The following DLGAP2 variants were observed in gnomAD, a reference collection of about 807,000 sequenced individuals.
DLGAP2 encodes disks large-associated protein 2.
A neutral mutation model predicts 100.3 loss-of-function variants in DLGAP2; 26 were observed. The observed-to-expected ratio is 0.26, with a 90% CI of 0.19 to 0.36. The LOEUF is 0.36. Ranked by LOEUF, DLGAP2 falls within the 10% of genes least tolerant of loss-of-function variation. The pLI is 1.00. For missense variants in DLGAP2, 1,858 were observed against 1,453.2 expected (o/e 1.28, Z -4.53); for synonymous variants, 886 against 630.1 (o/e 1.41, Z -6.08).
In DLGAP2 at chr8:1,548,766, G is replaced by A; in HGVS notation, c.313G>A (p.Glu105Lys). 1 of 1,598,862 alleles carries A rather than the reference G, an allele frequency of 6.3e-7. No individual in the cohort carries two copies. Among genetic ancestry groups the A allele is most frequent in the East Asian group, 2.3e-5 (1 of 44,318 alleles). ...GCACACGTGTGGTCTGGCGCCCCCG[G>A]AGGACTGCGAGCACCTGCACCACGG... The part of the protein sequence containing the change: ...SGHTCGLAPP[E>K]DCEHLHHGPD... Residue 105 changes from glutamate (E) to lysine (K), a missense_variant, in exon 5 of 15, where the codon GAG becomes AAG. Physicochemically the swap from Glu to Lys is moderately conservative, Grantham distance 56. Transcript: ENST00000637795.
At chr8:1,246,239 C>G (rs574994921) in intron 2 of DLGAP2, among the ~76,000 whole-genome samples, 1 of 152,294 alleles carries the variant, frequency 6.6e-6, no homozygotes, top group Non-Finnish European at 1.5e-5. Flanking sequence ...GGTGAGAACG[C>G]AACCACAAAA....
chr8:1,493,709 G>A (rs756660515), intron 3 of DLGAP2, among the ~76,000 whole-genome samples: 4 of 152,228 alleles, frequency 2.6e-5, no homozygotes, highest in Non-Finnish European at 5.9e-5. Context: ...AGAAATGGAA[G>A]GGAAGCAAGC....
intron 1 of DLGAP2, among the ~76,000 whole-genome samples, chr8:744,129 C>G (rs550682897): frequency 1.3e-5 from 2 of 152,284 alleles, no homozygotes; most frequent in East Asian, 1.9e-4. Flanking sequence ...TCTCTCAGAC[C>G]CAGCGCCGCT....
intron 1 of DLGAP2, among the ~76,000 whole-genome samples, chr8:752,482 G>A (rs918500389): frequency 2.0e-5 from 3 of 152,182 alleles, no homozygotes; most frequent in Non-Finnish European, 1.5e-5. Flanking sequence ...CCAGGCAGAG[G>A]CCTGATGGCA....
At chr8:1,573,956 T>C (rs1282475261) in intron 6 of DLGAP2, among the ~76,000 whole-genome samples, 2 of 152,102 alleles carry the variant, frequency 1.3e-5, no homozygotes, top group African/African-American at 4.8e-5. Context: ...AAGTGTAAAG[T>C]GAGGTGCTCT....
At chr8:1,098,300 A>G (rs115105548) in intron 2 of DLGAP2, among the ~76,000 whole-genome samples, 4,279 of 152,304 alleles carry the variant, frequency 0.028, 206 homozygotes, top group African/African-American at 0.097. Context: ...TGGATGCAAA[A>G]TGGCAAATGA....
intron 1 of DLGAP2, among the ~76,000 whole-genome samples, chr8:790,176 G>GA (rs1821990142): frequency 1.3e-5 from 2 of 152,176 alleles, no homozygotes; most frequent in South Asian, 4.1e-4. Flanking sequence ...GGGATTTGGA[G>GA]AATGAGGAGG....
intron 3 of DLGAP2, among the ~76,000 whole-genome samples, chr8:1,436,160 C>G (rs1233123396): frequency 3.3e-5 from 5 of 152,202 alleles, no homozygotes; most frequent in Admixed American, 6.5e-5. Context: ...CACAAGCCGT[C>G]TGCAAGCTGA....
chr8:779,160 G>T (rs1431764306), intron 1 of DLGAP2, among the ~76,000 whole-genome samples: 1 of 152,244 alleles, frequency 6.6e-6, no homozygotes, highest in Non-Finnish European at 1.5e-5. Context: ...CTGACGCCTT[G>T]CGCTTCCCGA....
At chr8:741,245 T>C (rs983030784) in intron 1 of DLGAP2, among the ~76,000 whole-genome samples, 4 of 152,234 alleles carry the variant, frequency 2.6e-5, no homozygotes, top group African/African-American at 9.6e-5. Context: ...CATGGGGTCG[T>C]AGGGTGTGCA....
At chr8:1,546,231 C>T (rs1458697697) in intron 4 of DLGAP2, among the ~76,000 whole-genome samples, 1 of 152,248 alleles carries the variant, frequency 6.6e-6, no homozygotes, top group African/African-American at 2.4e-5. Context: ...CACAGTGAGG[C>T]TCACCTTGAA....
At chr8:1,682,093 C>CATCCTTTCACCT (rs2130860983) in intron 12 of DLGAP2, among the ~76,000 whole-genome samples, 1 of 152,324 alleles carries the variant, frequency 6.6e-6, no homozygotes, top group Non-Finnish European at 1.5e-5. Flanking sequence ...ATGTGCATCC[C>CATCCTTTCACCT]ATCCTTTCAC....
rs779157177 is a variant in DLGAP2, at chr8:1,701,411, G to T, written c.*5G>T. Reference sequence around the variant, plus strand: ...GAGGCCCAGACCCGGCTCTGAGGGCGGAGGCCGGCGCCTTCCCCTCGTCGC... The same window carrying T: ...GAGGCCCAGACCCGGCTCTGAGGGCTGAGGCCGGCGCCTTCCCCTCGTCGC... On this transcript the variant is annotated 3_prime_UTR_variant, in exon 15 of 15. Transcript: ENST00000637795. 9.5e-6 allele frequency: 15 copies of T among 1,577,966 alleles called. No individual in the cohort carries two copies. Among genetic ancestry groups the T allele is most frequent in the Admixed American group, 1.8e-5 (1 of 55,374 alleles).
At position 1,387,979 on chromosome 8, in the gene DLGAP2, G is replaced by A. The variant is rs183860694; in HGVS notation, c.107-113387G>A. ...ATCAAGGCGTGGAGGTCCCCAGCGC[G>A]TGAGCAAACACGGTGGGCGCAGAGC... On this transcript the variant is annotated intron_variant, in intron 3 of 14. Coordinates refer to ENST00000637795, the MANE Select transcript of DLGAP2 (RefSeq NM_001346810.2). Among the ~76,000 whole-genome samples the A allele has an allele frequency of 1.5e-3, 231 of 152,366 alleles. 3 individuals carry two copies. Among genetic ancestry groups the A allele is most frequent in the South Asian group, 0.012 (59 of 4,826 alleles).
At chr8:1,146,573 GTGTA>G (rs76397679) in intron 2 of DLGAP2, among the ~76,000 whole-genome samples, 15,563 of 152,008 alleles carry the variant, frequency 0.1, 923 homozygotes, top group East Asian at 0.25. Context: ...GCACATGTGT[GTGTA>G]TGCACATGTG....
At chr8:1,146,632 T>C (rs531732903) in intron 2 of DLGAP2, among the ~76,000 whole-genome samples, 1 of 152,100 alleles carries the variant, frequency 6.6e-6, no homozygotes, top group Admixed American at 6.5e-5. Flanking sequence ...TGCATGCATG[T>C]GTGTGCATGT....
In DLGAP2 at chr8:1,703,872, G is replaced by A. The variant is rs568540056; in HGVS notation, c.*2466G>A. 1 of 152,710 alleles carries A rather than the reference G, an allele frequency of 6.5e-6. No homozygotes were observed. Among genetic ancestry groups the A allele is most frequent in the African/African-American group, 2.4e-5 (1 of 41,560 alleles). 9.5% of individuals were successfully genotyped at this position (152,710 alleles called of 1,614,324 possible). On this transcript the variant is annotated 3_prime_UTR_variant, in exon 15 of 15. Transcript: ENST00000637795. ...CCTACCACTACATTGCACAGGGTTG[G>A]TGACTCGACGTGGTGAATGTGCACA... is the stretch of plus-strand genomic sequence containing the variant.
At chr8:1,574,251 G>A (rs1046557733) in intron 6 of DLGAP2, among the ~76,000 whole-genome samples, 2 of 152,160 alleles carry the variant, frequency 1.3e-5, no homozygotes, top group African/African-American at 4.8e-5. Context: ...CCAGATTTTA[G>A]TGTATGGGGG....
chr8:1,103,532 C>T (rs1804657995), intron 2 of DLGAP2, among the ~76,000 whole-genome samples: 1 of 63,284 alleles, frequency 1.6e-5, no homozygotes, highest in Non-Finnish European at 2.6e-5. Flanking sequence ...ACGGTGATGA[C>T]TGGCGGGGCC....
Sources: allele counts gnomAD v4.1 joint callset (sites outside exome capture counted in the v4.1 genomes callset), GRCh38; gene constraint gnomAD v4.1.1; transcripts MANE v1.5; gene names NCBI Gene and HGNC (gene_info 2026-07-23, HGNC 2026-07-21).